The following DNAJC6 variants were observed in gnomAD, a reference collection of about 807,000 sequenced individuals.
The protein encoded by DNAJC6 is auxilin.
DNAJC6 carries 34 observed loss-of-function variants against 110.0 expected under a neutral mutation model. The ratio of observed to expected loss-of-function variants is 0.31; its 90% confidence interval spans 0.24 to 0.41. The LOEUF (loss-of-function observed/expected upper bound fraction) is 0.41, where lower values mean the gene tolerates loss of function less well. Ranked by LOEUF, DNAJC6 falls within the 10% of genes least tolerant of loss-of-function variation. The pLI is 1.00. For missense variants in DNAJC6, 1,031 were observed against 1,207.8 expected, an observed-to-expected ratio of 0.85 and a Z score of 2.17; for synonymous variants, 406 against 437.2, an observed-to-expected ratio of 0.93 and a Z score of 0.89.
intron 1 of DNAJC6, among the ~76,000 whole-genome samples, chr1:65,356,120 T>C (rs1645541247): frequency 6.6e-6 from 1 of 152,162 alleles, no homozygotes; most frequent in Non-Finnish European, 1.5e-5. Context: ...CCTTCTGTAA[T>C]GCCTAACCTC....
At position 65,405,856 on chromosome 1, in the gene DNAJC6, C is replaced by T. The variant is rs780225531; in HGVS notation, c.2228-14C>T. 3 of 1,579,122 alleles carry T rather than the reference C, an allele frequency of 1.9e-6. No individual in the cohort carries two copies. The highest frequency in any genetic ancestry group is 2.7e-5 in the African/African-American group (2 of 73,724). On this transcript the variant is annotated splice_polypyrimidine_tract_variant and intron_variant, in intron 15 of 18. Transcript: ENST00000371069. ...CAAAATAGTTTTACCTTCTTTATCTCTTTTTTTCTTTAGGTAGTTCTTCCT... is the reference window on the plus strand; with the variant it reads ...CAAAATAGTTTTACCTTCTTTATCTTTTTTTTTCTTTAGGTAGTTCTTCCT...
chr1:65,306,569 T>G (rs899431920), upstream of DNAJC6: 1 of 152,136 alleles, frequency 6.6e-6, no homozygotes, highest in African/African-American at 2.4e-5. Flanking sequence ...CTAATCTTCA[T>G]CAAGTTAATA....
chr1:65,316,307 T>C (rs1645148075), intron 1 of DNAJC6, among the ~76,000 whole-genome samples: 2 of 152,208 alleles, frequency 1.3e-5, no homozygotes, highest in African/African-American at 4.8e-5. Context: ...ACTTATCCCA[T>C]AGACCCCTGG....
intron 1 of DNAJC6, among the ~76,000 whole-genome samples, chr1:65,275,626 A>T (rs1298656868): frequency 6.6e-6 from 1 of 151,936 alleles, no homozygotes; most frequent in Non-Finnish European, 1.5e-5. Flanking sequence ...AATTCTCATA[A>T]TTCCCTGCCA....
Position 65,415,183 on chromosome 1 carries a change from T to C in DNAJC6, c.*2158T>C, listed in dbSNP as rs1646159752. 6.6e-6 allele frequency: 1 copy of C among 152,238 alleles called. No homozygotes were observed. The highest frequency in any genetic ancestry group is 1.5e-5 in the Non-Finnish European group (1 of 68,040). The allele number at this position is 152,238 out of a possible 1,614,324, so 9.4% of individuals were successfully genotyped here. A position where few individuals can be genotyped will look rare whatever the true frequency, so the allele number is the denominator to read the frequency against. On this transcript the variant is annotated 3_prime_UTR_variant, in exon 19 of 19. Coordinates refer to ENST00000371069, the MANE Select transcript of DNAJC6 (RefSeq NM_001256864.2). ...TGATCAGATTCACTGTTTCATCATA[T>C]TTATTGTAATATATTTTTTGTTTTG...
At chr1:65,385,690 G>C in intron 6 of DNAJC6, 22 bp from the exon 7 acceptor site, 1 of 1,545,302 alleles carries the variant, frequency 6.5e-7, no homozygotes, top group South Asian at 1.2e-5. Context: ...GGCCCCAAGA[G>C]AGTGCCAACC....
upstream of DNAJC6, among the ~76,000 whole-genome samples, chr1:65,308,776 A>G (rs1645067744): frequency 6.6e-6 from 1 of 152,160 alleles, no homozygotes; most frequent in Admixed American, 6.5e-5. Context: ...TCCTAAGGTA[A>G]ATGGTGGCGG....
At chr1:65,411,151 T>C in intron 17 of DNAJC6, 99 bp from the exon 18 acceptor site, 2 of 1,277,224 alleles carry the variant, frequency 1.6e-6, no homozygotes, top group Non-Finnish European at 2.1e-6. Context: ...CTAAGTGTTT[T>C]GATGTTGCTG....
chr1:65,413,227 G>C lies in DNAJC6; in HGVS notation c.*202G>C, dbSNP rs372988535. The C allele has an allele frequency of 9.7e-6, 5 of 514,254 alleles. No homozygotes were observed. Among genetic ancestry groups the C allele is most frequent in the Non-Finnish European group, 1.4e-5 (4 of 290,136 alleles). 31.9% of individuals were successfully genotyped at this position (514,254 alleles called of 1,614,324 possible). A position where few individuals can be genotyped will look rare whatever the true frequency, so the allele number is the denominator to read the frequency against. On this transcript the variant is annotated 3_prime_UTR_variant, in exon 19 of 19. Transcript: ENST00000371069. The stretch of plus-strand genomic sequence containing the variant: ...AAGTTCCCACCATAAAAGATCCAAA[G>C]CATGAGAGGAACTTCTAGTCAGATG...
At chr1:65,388,833 G>A (rs1645896461) in intron 9 of DNAJC6, among the ~76,000 whole-genome samples, 1 of 152,122 alleles carries the variant, frequency 6.6e-6, no homozygotes, top group African/African-American at 2.4e-5. Flanking sequence ...TTTCTGCACC[G>A]ACATTAACCT....
At chr1:65,270,619 T>G (rs1388659510) in intron 1 of DNAJC6, among the ~76,000 whole-genome samples, 1 of 152,194 alleles carries the variant, frequency 6.6e-6, no homozygotes, top group Non-Finnish European at 1.5e-5. Context: ...AAAAGTGATG[T>G]TACTGGTCGT....
chr1:65,306,076 A>C (rs532003647), upstream of DNAJC6, among the ~76,000 whole-genome samples: 104 of 135,240 alleles, frequency 7.7e-4, 4 homozygotes, highest in South Asian at 0.024. Flanking sequence ...GGCAACTTCA[A>C]TTTTTTTTTT....
chr1:65,317,318 T>A (rs944638095), intron 1 of DNAJC6, among the ~76,000 whole-genome samples: 3 of 152,230 alleles, frequency 2.0e-5, no homozygotes, highest in Non-Finnish European at 4.4e-5. Context: ...TGGAAGCTTT[T>A]GAAAGAGTAG....
intron 1 of DNAJC6, among the ~76,000 whole-genome samples, chr1:65,333,387 T>C (rs1206553434): frequency 1.3e-5 from 2 of 152,144 alleles, no homozygotes; most frequent in Admixed American, 1.3e-4. Context: ...ATAAAAACCA[T>C]CACTGCTTTA....
intron 1 of DNAJC6, among the ~76,000 whole-genome samples, chr1:65,278,144 C>T (rs501691): frequency 0.73 from 111,392 of 152,122 alleles, 41,844 homozygotes; most frequent in East Asian, 0.98. Flanking sequence ...CCAGGTTGCG[C>T]GCTGCGTTTA....
At chr1:65,344,922 A>G (rs765184348) in intron 1 of DNAJC6, among the ~76,000 whole-genome samples, 9 of 152,080 alleles carry the variant, frequency 5.9e-5, no homozygotes. Context: ...TCAAATCCCC[A>G]TCCAATCTCC....
chr1:65,265,726 C>A (rs72679422), intron 1 of DNAJC6, among the ~76,000 whole-genome samples: 6,984 of 152,306 alleles, frequency 0.046, 212 homozygotes, highest in Non-Finnish European at 0.076. Flanking sequence ...ACCCCTAGGT[C>A]TCCGGAGGCT....
At chr1:65,320,020 G>C (rs1233834676) in intron 1 of DNAJC6, among the ~76,000 whole-genome samples, 1 of 152,164 alleles carries the variant, frequency 6.6e-6, no homozygotes, top group Non-Finnish European at 1.5e-5. Context: ...ATATGTGTAC[G>C]CATGTGACTT....
intron 1 of DNAJC6, among the ~76,000 whole-genome samples, chr1:65,317,147 C>T (rs79202849): frequency 0.059 from 8,997 of 152,194 alleles, 869 homozygotes; most frequent in African/African-American, 0.2. Flanking sequence ...TTTTTTAAAT[C>T]TGTGCTCACC....
Sources: allele counts gnomAD v4.1 joint callset (sites outside exome capture counted in the v4.1 genomes callset), GRCh38; gene constraint gnomAD v4.1.1; transcripts MANE v1.5; gene names NCBI Gene and HGNC (gene_info 2026-07-23, HGNC 2026-07-21).